Variants in UTRN observed in about 807,000 individuals in gnomAD.
UTRN encodes utrophin.
Under a neutral mutation model 463.9 loss-of-function variants are expected in UTRN, and 283 were observed. The observed-to-expected ratio is 0.61, with a 90% CI of 0.55 to 0.67. The LOEUF is 0.67. Among genes scored for constraint, UTRN ranks in the 30% least tolerant of loss-of-function variants. The probability of loss-of-function intolerance (pLI) is 0.00; values close to 1 mark genes in which losing one functional copy is unlikely to be tolerated. For missense variants in UTRN, 3,922 were observed against 4,084.3 expected (o/e 0.96, Z 1.08); for synonymous variants, 1,442 against 1,431.5 (o/e 1.01, Z -0.17).
chr6:144,789,162 C>A, intron 61 of UTRN, 32 bp from the exon 62 acceptor site: 4 of 1,539,472 alleles, frequency 2.6e-6, no homozygotes, highest in Non-Finnish European at 3.6e-6. Flanking sequence ...GTTTTAAATG[C>A]ATCTAACACA....
At chr6:144,314,302 T>C (rs1462232616) in intron 2 of UTRN, among the ~76,000 whole-genome samples, 3 of 152,142 alleles carry the variant, frequency 2.0e-5, no homozygotes, top group African/African-American at 7.2e-5. Flanking sequence ...GCAGGCCTGG[T>C]TTCCGCATTC....
chr6:144,296,628 T>C (rs1481568951), intron 2 of UTRN, among the ~76,000 whole-genome samples: 1 of 152,258 alleles, frequency 6.6e-6, no homozygotes. Flanking sequence ...AAACCCTGCA[T>C]TTGACCTCTA....
chr6:144,475,768 C>T (rs1791129405), intron 25 of UTRN, among the ~76,000 whole-genome samples: 1 of 151,978 alleles, frequency 6.6e-6, no homozygotes, highest in Non-Finnish European at 1.5e-5. Flanking sequence ...CACCACTATG[C>T]CTAGATAATT....
intron 45 of UTRN, among the ~76,000 whole-genome samples, chr6:144,541,749 G>A (rs1423510598): frequency 6.6e-6 from 1 of 152,222 alleles, no homozygotes; most frequent in East Asian, 1.9e-4. Context: ...CATCCAGGTA[G>A]TGATGGGTAC....
chr6:144,732,684 TTA>T (rs1788858215), intron 54 of UTRN, among the ~76,000 whole-genome samples: 1 of 151,074 alleles, frequency 6.6e-6, no homozygotes, highest in Admixed American at 6.6e-5. Context: ...TTATGTTATG[TTA>T]TGTTATGTTA....
intron 54 of UTRN, among the ~76,000 whole-genome samples, chr6:144,734,301 C>T (rs940675119): frequency 5.9e-5 from 9 of 152,172 alleles, no homozygotes; most frequent in Admixed American, 1.3e-4. Context: ...CTTTTCCTCA[C>T]AATCTTGAGT....
chr6:144,302,960 G>C (rs951877900), intron 2 of UTRN, among the ~76,000 whole-genome samples: 1 of 152,188 alleles, frequency 6.6e-6, no homozygotes, highest in Non-Finnish European at 1.5e-5. Context: ...GATTTCGAAA[G>C]CCCTTTTGAA....
At chr6:144,436,760 T>A (rs1295008241) in intron 10 of UTRN, among the ~76,000 whole-genome samples, 1 of 144,666 alleles carries the variant, frequency 6.9e-6, no homozygotes. Flanking sequence ...ATTTTATATA[T>A]ATATTTATAT....
chr6:144,503,611 A>C (rs976234584), intron 34 of UTRN, among the ~76,000 whole-genome samples: 9 of 151,916 alleles, frequency 5.9e-5, no homozygotes, highest in Admixed American at 3.9e-4. Flanking sequence ...TGGTCTATAT[A>C]TCTGTTTTGG....
chr6:144,447,559 G>C, intron 15 of UTRN, 43 bp from the exon 16 acceptor site: 1 of 1,600,646 alleles, frequency 6.2e-7, no homozygotes, highest in Non-Finnish European at 8.5e-7. Flanking sequence ...GAAAGACAAA[G>C]TCCTGTTAAA....
intron 51 of UTRN, among the ~76,000 whole-genome samples, chr6:144,666,178 T>TCTGA (rs1208218247): frequency 6.6e-6 from 1 of 152,200 alleles, no homozygotes; most frequent in Non-Finnish European, 1.5e-5. Flanking sequence ...AGGGTCATGA[T>TCTGA]CTGACAGCCT....
At chr6:144,625,591 C>T (rs1382486507) in intron 51 of UTRN, among the ~76,000 whole-genome samples, 4 of 152,212 alleles carry the variant, frequency 2.6e-5, no homozygotes, top group East Asian at 1.9e-4. Flanking sequence ...GTTGAAAAGC[C>T]GGAGGACTGA....
intron 65 of UTRN, among the ~76,000 whole-genome samples, chr6:144,817,353 G>T (rs540778192): frequency 6.6e-6 from 1 of 151,976 alleles, no homozygotes; most frequent in Non-Finnish European, 1.5e-5. Context: ...AAAATGTTGG[G>T]TAATTTGTGT....
chr6:144,615,844 A>T (rs1014254126), intron 51 of UTRN, among the ~76,000 whole-genome samples: 15 of 152,264 alleles, frequency 9.9e-5, no homozygotes, highest in African/African-American at 3.6e-4. Flanking sequence ...TCTGCTTGAA[A>T]CAACCCAAAG....
intron 2 of UTRN, among the ~76,000 whole-genome samples, chr6:144,399,162 C>CTACA (rs1253105589): frequency 6.6e-6 from 1 of 151,882 alleles, no homozygotes; most frequent in Non-Finnish European, 1.5e-5. Flanking sequence ...GTTTCTTTGT[C>CTACA]TACATACATA....
intron 44 of UTRN, 22 bp from the exon 45 acceptor site, chr6:144,539,272 A>G (rs1356387488): frequency 1.9e-6 from 3 of 1,588,366 alleles, no homozygotes; most frequent in Admixed American, 1.8e-5. Context: ...TTCTAACCAC[A>G]CCTATCTTTT....
At chr6:144,772,259 C>T (rs1794155692) in intron 59 of UTRN, among the ~76,000 whole-genome samples, 1 of 151,912 alleles carries the variant, frequency 6.6e-6, no homozygotes, top group African/African-American at 2.4e-5. Context: ...GTCTCGAACT[C>T]CTGAGCTCAG....
At chr6:144,758,832 CACTT>C (rs920186998) in intron 58 of UTRN, among the ~76,000 whole-genome samples, 2 of 152,058 alleles carry the variant, frequency 1.3e-5, no homozygotes, top group Admixed American at 6.6e-5. Flanking sequence ...ATCATGACAA[CACTT>C]ACTTATTGTC....
At chr6:144,342,729 C>A (rs955775785) in intron 2 of UTRN, among the ~76,000 whole-genome samples, 1 of 151,768 alleles carries the variant, frequency 6.6e-6, no homozygotes, top group Non-Finnish European at 1.5e-5. Flanking sequence ...GGATGGGGGT[C>A]GATTGTGGTG....
Sources: gnomAD v4.1 joint callset for allele counts (sites outside exome capture counted in the v4.1 genomes callset) on GRCh38, gnomAD v4.1.1 for gene constraint, MANE v1.5 for transcripts, NCBI Gene and HGNC (gene_info 2026-07-23, HGNC 2026-07-21) for gene names.